OR1M1: variants seen among roughly 807,000 people sequenced by gnomAD.
The protein encoded by OR1M1 is olfactory receptor 1M1.
For missense variants in OR1M1, 397 were observed against 401.8 expected, an observed-to-expected ratio of 0.99 and a Z score of 0.10; for synonymous variants, 157 against 165.5, an observed-to-expected ratio of 0.95 and a Z score of 0.39.
In OR1M1 at chr19:9,094,329, T is replaced by C; in HGVS notation, c.*143T>C. On this transcript the variant is annotated 3_prime_UTR_variant, in exon 2 of 2. Coordinates refer to ENST00000641627, the MANE Select transcript of OR1M1 (RefSeq NM_001004456.2). ...TATTTAGAGATGGGGTCTCACTATG[T>C]TGCCCGTGCTGGAGTGCAGTGGCGT... 1.7e-6 allele frequency: 1 copy of C among 588,312 alleles called. No individual in the cohort carries two copies. Among genetic ancestry groups the C allele is most frequent in the South Asian group, 2.3e-5 (1 of 44,154 alleles). 36.4% of individuals were successfully genotyped at this position (588,312 alleles called of 1,614,324 possible). A position where few individuals can be genotyped will look rare whatever the true frequency, so the allele number is the denominator to read the frequency against.
intron 1 of OR1M1, 100 bp from the exon 2 acceptor site, chr19:9,093,132 T>G: frequency 3.2e-6 from 2 of 629,676 alleles, no homozygotes; most frequent in Non-Finnish European, 2.8e-6. Flanking sequence ...ACACATCTGG[T>G]CTCATAATTA....
At chr19:9,092,045 A>T (rs1024945920) in intron 1 of OR1M1, among the ~76,000 whole-genome samples, 3 of 142,876 alleles carry the variant, frequency 2.1e-5, no homozygotes, top group Non-Finnish European at 4.5e-5. Context: ...AGTACTTGGA[A>T]CTATAGGTGT....
intron 1 of OR1M1, 191 bp from the exon 2 acceptor site, chr19:9,093,041 A>C (rs557937121): frequency 0.026 from 7,553 of 285,762 alleles, 139 homozygotes; most frequent in Middle Eastern, 0.068. Flanking sequence ...CTCTCTCTAT[A>C]TATATATATA....
chr19:9,089,526 C>T (rs969273302), intron 1 of OR1M1, among the ~76,000 whole-genome samples: 9 of 151,034 alleles, frequency 6.0e-5, no homozygotes, highest in Admixed American at 3.3e-4. Flanking sequence ...TGGGTTCAAG[C>T]GATTCTCCTG....
rs2050315170 is a variant in OR1M1 at position 9,094,299 on chromosome 19, A to G, written c.*113A>G. 1.6e-6 allele frequency: 1 copy of G among 622,170 alleles called. No homozygotes were observed. 38.5% of individuals were successfully genotyped at this position (622,170 alleles called of 1,614,324 possible). ...AGGCACTTTGAATTTTATTATTATT[A>G]TTATTATTTAGAGATGGGGTCTCAC... On this transcript the variant is annotated 3_prime_UTR_variant, in exon 2 of 2. Transcript: ENST00000641627.
intron 1 of OR1M1, among the ~76,000 whole-genome samples, chr19:9,091,409 A>G (rs2053074): frequency 0.68 from 103,847 of 151,724 alleles, 35,721 homozygotes; most frequent in East Asian, 0.81. Context: ...ACATGCTAAG[A>G]ATAAAGCTGT....
Position 9,094,214 on chromosome 19 carries a change from G to C in OR1M1, c.*28G>C, listed in dbSNP as rs1486204241. 1.4e-6 allele frequency: 2 copies of C among 1,430,876 alleles called. No homozygotes were observed. Among genetic ancestry groups the C allele is most frequent in the African/African-American group, 1.4e-5 (1 of 71,034 alleles). 88.6% of individuals were successfully genotyped at this position (1,430,876 alleles called of 1,614,324 possible). A position where few individuals can be genotyped will look rare whatever the true frequency, so the allele number is the denominator to read the frequency against. ...ACCAGGACTCAGGAACTTCTGGGGG[G>C]TAGAATATATACATCTGGGAGTCTT... On this transcript the variant is annotated 3_prime_UTR_variant, in exon 2 of 2. Transcript: ENST00000641627.
At chr19:9,088,972 G>A (rs1383954062) in intron 1 of OR1M1, among the ~76,000 whole-genome samples, 1 of 151,922 alleles carries the variant, frequency 6.6e-6, no homozygotes, top group Admixed American at 6.6e-5. Context: ...TTCCATATAT[G>A]TAATGTATAG....
chr19:9,087,734 G>A (rs1225190635), intron 1 of OR1M1, among the ~76,000 whole-genome samples: 6 of 151,954 alleles, frequency 3.9e-5, no homozygotes, highest in Non-Finnish European at 7.4e-5. Context: ...CACTGTGCTC[G>A]GCCGACACTG....
intron 1 of OR1M1, among the ~76,000 whole-genome samples, chr19:9,090,312 A>C (rs2050285531): frequency 1.3e-5 from 2 of 152,234 alleles, no homozygotes; most frequent in Non-Finnish European, 2.9e-5. Flanking sequence ...AATTACCAAT[A>C]ATTTTTTACA....
intron 1 of OR1M1, among the ~76,000 whole-genome samples, chr19:9,090,969 A>T (rs1023946348): frequency 2.6e-5 from 4 of 151,818 alleles, no homozygotes. Flanking sequence ...GATCAAGACC[A>T]TCCTGGCTAA....
chr19:9,088,750 T>TAGATCTC, intron 1 of OR1M1, among the ~76,000 whole-genome samples: 1 of 151,926 alleles, frequency 6.6e-6, no homozygotes, highest in African/African-American at 2.4e-5. Flanking sequence ...TAGCCAGGTG[T>TAGATCTC]GGTGGTGGGT....
In OR1M1 at chr19:9,094,237, C is replaced by G; in HGVS notation, c.*51C>G. The G allele has an allele frequency of 9.3e-7, 1 of 1,072,360 alleles. No homozygotes were observed. Among genetic ancestry groups the G allele is most frequent in the East Asian group, 2.4e-5 (1 of 41,210 alleles). 66.4% of individuals were successfully genotyped at this position (1,072,360 alleles called of 1,614,324 possible). On this transcript the variant is annotated 3_prime_UTR_variant, in exon 2 of 2. Transcript: ENST00000641627. ...GGGTAGAATATATACATCTGGGAGTCTTGGGCTAACATCTGGAATTGCATG... is the reference window on the plus strand; with the variant it reads ...GGGTAGAATATATACATCTGGGAGTGTTGGGCTAACATCTGGAATTGCATG...
At chr19:9,092,246 G>A (rs1386387095) in intron 1 of OR1M1, among the ~76,000 whole-genome samples, 1 of 151,724 alleles carries the variant, frequency 6.6e-6, no homozygotes, top group Non-Finnish European at 1.5e-5. Context: ...AATCAAAAAA[G>A]AAGAAGAGTT....
In OR1M1 at chr19:9,089,511, C is replaced by T. The variant is rs555855301; in HGVS notation, c.-14+2354C>T. Among the ~76,000 whole-genome samples the T allele has an allele frequency of 8.6e-5, 13 of 151,420 alleles. No individual in the cohort carries two copies. The South Asian group carries it at 1.7e-3, about 19-fold the overall frequency. On this transcript the variant is annotated intron_variant, in intron 1 of 1. Coordinates refer to ENST00000641627, the MANE Select transcript of OR1M1 (RefSeq NM_001004456.2). ...CAATCTCAGCTCACTGCAACCTCCGCCTCCTGGGTTCAAGCGATTCTCCTG... is the reference window on the plus strand; with the variant it reads ...CAATCTCAGCTCACTGCAACCTCCGTCTCCTGGGTTCAAGCGATTCTCCTG...
chr19:9,094,024 G>C lies in OR1M1; in HGVS notation c.780G>C (p.Leu260=). Reference sequence around the variant, plus strand: ...ATGGGACCACCATTGGCGTCTATCTGTGTCCCTCCTCGGTCCTCACCACTG... The same window carrying C: ...ATGGGACCACCATTGGCGTCTATCTCTGTCCCTCCTCGGTCCTCACCACTG... ...LFYGTTIGVY[L]CPSSVLTTVK... Residue 260 remains leucine (L), a synonymous_variant, in exon 2 of 2, where the codon CTG becomes CTC. Coordinates refer to ENST00000641627, the MANE Select transcript of OR1M1 (RefSeq NM_001004456.2). 1 of 1,614,062 alleles carries C rather than the reference G, an allele frequency of 6.2e-7. No individual in the cohort carries two copies. The highest frequency in any genetic ancestry group is 1.7e-5 in the Admixed American group (1 of 60,012).
intron 1 of OR1M1, among the ~76,000 whole-genome samples, chr19:9,092,427 C>T (rs1018976154): frequency 2.0e-5 from 3 of 151,892 alleles, no homozygotes; most frequent in African/African-American, 7.3e-5. Flanking sequence ...GATCCTGTCT[C>T]CACCACACAC....
intron 1 of OR1M1, among the ~76,000 whole-genome samples, chr19:9,088,427 G>A (rs2050275814): frequency 6.6e-6 from 1 of 152,108 alleles, no homozygotes; most frequent in Non-Finnish European, 1.5e-5. Flanking sequence ...GAATCTTCGG[G>A]TTCCTGATAC....
At chr19:9,091,945 C>G (rs1214961574) in intron 1 of OR1M1, among the ~76,000 whole-genome samples, 1 of 151,954 alleles carries the variant, frequency 6.6e-6, no homozygotes, top group Non-Finnish European at 1.5e-5. Context: ...TAGTCTTGCT[C>G]TGTCACCAGG....
Sources: gnomAD v4.1 joint callset for allele counts (sites outside exome capture counted in the v4.1 genomes callset) on GRCh38, gnomAD v4.1.1 for gene constraint, MANE v1.5 for transcripts, NCBI Gene and HGNC (gene_info 2026-07-23, HGNC 2026-07-21) for gene names.